RASIP1: variants seen among roughly 807,000 people sequenced by gnomAD.
RASIP1 encodes the protein Ras interacting protein 1.
Under a neutral mutation model 85.3 loss-of-function variants are expected in RASIP1, and 20 were observed. The observed-to-expected ratio is 0.23, with a 90% CI of 0.17 to 0.34. The LOEUF (loss-of-function observed/expected upper bound fraction) is 0.34, where lower values mean the gene tolerates loss of function less well. Among genes scored for constraint, RASIP1 ranks in the 10% least tolerant of loss-of-function variants. The probability of loss-of-function intolerance (pLI) is 1.00; values close to 1 mark genes in which losing one functional copy is unlikely to be tolerated. For missense variants in RASIP1, 1,170 were observed against 1,390.9 expected (o/e 0.84, Z 2.53); for synonymous variants, 617 against 647.1 (o/e 0.95, Z 0.71).
At chr19:48,734,769 G>A (rs1479666830) in intron 4 of RASIP1, among the ~76,000 whole-genome samples, 2 of 152,090 alleles carry the variant, frequency 1.3e-5, no homozygotes, top group Admixed American at 6.6e-5. Context: ...TAACAGGCGT[G>A]AGCCACTGCG....
At position 48,729,118 on chromosome 19, in the gene RASIP1, T is replaced by A; in HGVS notation, c.1652A>T (p.Glu551Val). Residue 551 changes from glutamate to valine, a missense_variant, in exon 5 of 12, where the codon GAG becomes GTG. Glu to Val is a moderately radical substitution (Grantham distance 121). Transcript: ENST00000222145. The stretch of plus-strand genomic sequence containing the variant: ...GATCTCGCCCAGCAGCGCCTCCTCC[T>A]CGCGCGGCCGGAAGCGCAGGACTGG... ...REPVLRFRPREEEALLGEIVR... is the reference protein window; with the variant it reads ...REPVLRFRPRVEEALLGEIVR... The A allele has an allele frequency of 7.3e-7, 1 of 1,365,804 alleles. No homozygotes were observed. The highest frequency in any genetic ancestry group is 9.4e-7 in the Non-Finnish European group (1 of 1,063,892). 84.6% of individuals were successfully genotyped at this position (1,365,804 alleles called of 1,614,324 possible).
At position 48,740,226 on chromosome 19, in the gene RASIP1, G is replaced by A; in HGVS notation, c.57C>T (p.Leu19=). The change falls in exon 2 of 12, where the codon CTC becomes CTT. Residue 19 remains leucine (L), a synonymous_variant. Transcript: ENST00000222145. The surrounding 1 kb of genome is among the most constrained non-coding windows in gnomAD (Gnocchi z 5.5). ...GGGAATTGATCCACAGGCCCACGGG[G>A]AGATGAAGCTTCCCGAAGCGGGGGC... ...GGSPRFGKLH[L]PVGLWINSPR... is the part of the protein sequence containing the mutation. 6.3e-7 allele frequency: 1 copy of A among 1,587,866 alleles called. No individual in the cohort carries two copies. Among genetic ancestry groups the A allele is most frequent in the Non-Finnish European group, 8.5e-7 (1 of 1,171,050 alleles).
chr19:48,721,660 A>G (rs1245636646), intron 11 of RASIP1, among the ~76,000 whole-genome samples, 194 bp downstream of exon 11: 1 of 152,190 alleles, frequency 6.6e-6, no homozygotes, highest in East Asian at 1.9e-4. Context: ...AAAATTAGCC[A>G]GGCGTGGTGG....
chr19:48,738,007 C>T lies in RASIP1; in HGVS notation c.823+953G>A, dbSNP rs563681895. 1.1e-6 allele frequency: 1 copy of T among 934,762 alleles called. No homozygotes were observed. The highest frequency in any genetic ancestry group is 4.9e-5 in the South Asian group (1 of 20,226). The allele number at this position is 934,762 out of a possible 1,614,324, so 57.9% of individuals were successfully genotyped here. ...TCCCCCAGGCTGGAGTTCAGTGGCG[C>T]GATCTTGGCTCACTGCAGCCTCTGC... On this transcript the variant is annotated intron_variant, in intron 3 of 11. Coordinates refer to ENST00000222145, the MANE Select transcript of RASIP1 (RefSeq NM_017805.3). This position sits in a 1 kb window ranked among gnomAD's most constrained non-coding sequence, Gnocchi z 4.0.
chr19:48,729,466 G>T lies in RASIP1; in HGVS notation c.1304C>A (p.Pro435Gln). The stretch of plus-strand genomic sequence containing the variant: ...GCCCGCGCGCACTGTGCAGTGACGC[G>T]GCAGGATGTCCGGGGCGTTGAGGAA... ...DTFLNAPDIL[P>Q]RHCTVRAGPE... The change falls in exon 5 of 12, where the codon CCG becomes CAG. Residue 435 changes from proline (P) to glutamine (Q), a missense_variant. This residue lies in a region of RASIP1 where 301 missense variants were observed against 294.8 expected (regional missense o/e 1.02). Coordinates refer to ENST00000222145, the MANE Select transcript of RASIP1 (RefSeq NM_017805.3). 6.3e-7 allele frequency: 1 copy of T among 1,575,198 alleles called. No homozygotes were observed.
chr19:48,725,015 T>A, intron 8 of RASIP1, 55 bp from the exon 9 acceptor site: 2 of 1,583,084 alleles, frequency 1.3e-6, no homozygotes, highest in Non-Finnish European at 1.7e-6. Context: ...CCAGGAAGCT[T>A]CAGGGTAATA....
At position 48,727,103 on chromosome 19, in the gene RASIP1, G is replaced by A. The variant is rs374393083; in HGVS notation, c.1927C>T (p.Leu643=). The A allele has an allele frequency of 1.9e-5, 31 of 1,614,110 alleles. No individual in the cohort carries two copies. Among genetic ancestry groups the A allele is most frequent in the Non-Finnish European group, 2.6e-5 (31 of 1,180,056 alleles). ...GCCATCCACAGCATGAGTGGCCGCAGCTCCACAGACACAGCTTCAGGAGTC... is the reference window on the plus strand; with the variant it reads ...GCCATCCACAGCATGAGTGGCCGCAACTCCACAGACACAGCTTCAGGAGTC... The part of the protein sequence containing the change: ...PLTPEAVSVE[L]RPLMLWMANT... The change falls in exon 7 of 12, where the codon CTG becomes TTG. Residue 643 remains leucine (L), a synonymous_variant. Coordinates refer to ENST00000222145, the MANE Select transcript of RASIP1 (RefSeq NM_017805.3).
At chr19:48,733,989 A>C (rs567231818) in intron 4 of RASIP1, among the ~76,000 whole-genome samples, 1 of 151,752 alleles carries the variant, frequency 6.6e-6, no homozygotes, top group East Asian at 2.0e-4. Flanking sequence ...TCTTTTAAAA[A>C]ATTTTTCATT....
At chr19:48,722,115 A>C in intron 10 of RASIP1, 114 bp from the exon 11 acceptor site, 1 of 1,081,104 alleles carries the variant, frequency 9.2e-7, no homozygotes, top group Non-Finnish European at 1.3e-6. Context: ...GCATCTCTGC[A>C]GTGTCTTCTG....
At chr19:48,736,075 C>T (rs965941665) in intron 3 of RASIP1, among the ~76,000 whole-genome samples, 5 of 151,656 alleles carry the variant, frequency 3.3e-5, no homozygotes, top group Middle Eastern at 3.4e-3. Flanking sequence ...TCCCAAAGTG[C>T]TGGGATTACA....
At position 48,720,662 on chromosome 19, in the gene RASIP1, T is replaced by C; in HGVS notation, c.*136A>G. On this transcript the variant is annotated 3_prime_UTR_variant, in exon 12 of 12. Coordinates refer to ENST00000222145, the MANE Select transcript of RASIP1 (RefSeq NM_017805.3). ...ATGCTCCCACCGTCCCATCCGCTAC[T>C]TCCCGAAAACTCAATCTCCCAACAT... 1.0e-6 allele frequency: 1 copy of C among 974,828 alleles called. No individual in the cohort carries two copies. The highest frequency in any genetic ancestry group is 2.0e-5 in the Admixed American group (1 of 48,860). 60.4% of individuals were successfully genotyped at this position (974,828 alleles called of 1,614,324 possible).
intron 6 of RASIP1, 103 bp from the exon 7 acceptor site, chr19:48,727,261 G>T: frequency 6.5e-7 from 1 of 1,547,468 alleles, no homozygotes; most frequent in Non-Finnish European, 8.8e-7. Flanking sequence ...AACTCCCATT[G>T]CGCAGCTGGA....
At chr19:48,728,737 G>A (rs1395792605) in intron 5 of RASIP1, among the ~76,000 whole-genome samples, 200 bp downstream of exon 5, 5 of 152,042 alleles carry the variant, frequency 3.3e-5, no homozygotes, top group Non-Finnish European at 7.4e-5. Context: ...ACTCCAGCCT[G>A]GGTAACAGAG....
In RASIP1 at chr19:48,739,593, G is replaced by C; in HGVS notation, c.190C>G (p.Pro64Ala). ...ACTCGCCGCAGCTCCACGTGCGGCG[G>C]GGGCGGAGGTAGCGGCTCGCTGCTG... ...SRSSEPLPPP[P>A]PHVELRRVGA... is the part of the protein sequence containing the mutation. The change falls in exon 3 of 12, where the codon CCG (proline) becomes GCG (alanine). Residue 64 changes from proline to alanine, a missense_variant. By Grantham distance (27) the Pro-to-Ala change is conservative. Coordinates refer to ENST00000222145, the MANE Select transcript of RASIP1 (RefSeq NM_017805.3). The surrounding 1 kb of genome is among the most constrained non-coding windows in gnomAD (Gnocchi z 9.2). 6.7e-7 allele frequency: 1 copy of C among 1,481,508 alleles called. No homozygotes were observed. The highest frequency in any genetic ancestry group is 8.9e-7 in the Non-Finnish European group (1 of 1,119,384). The allele number at this position is 1,481,508 out of a possible 1,614,324, so 91.8% of individuals were successfully genotyped here. A position where few individuals can be genotyped will look rare whatever the true frequency, so the allele number is the denominator to read the frequency against.
chr19:48,737,163 C>T (rs999306515), intron 3 of RASIP1, among the ~76,000 whole-genome samples: 12 of 152,186 alleles, frequency 7.9e-5, no homozygotes, highest in African/African-American at 2.9e-4. Flanking sequence ...TTATTAAGCA[C>T]CTACTCTGTG....
rs1358490226 is a variant in RASIP1, at chr19:48,729,285, C to G, written c.1485G>C (p.Ser495=). 4 of 1,540,188 alleles carry G rather than the reference C, an allele frequency of 2.6e-6. No individual in the cohort carries two copies. The highest frequency in any genetic ancestry group is 2.0e-5 in the Admixed American group (1 of 49,058). Residue 495 remains serine (S), a synonymous_variant, in exon 5 of 12, where the codon TCG becomes TCC. Coordinates refer to ENST00000222145, the MANE Select transcript of RASIP1 (RefSeq NM_017805.3). ...GCAGCCACGGCGGCCTCGCAGGCCC[C>G]GAGCCCCCAGTGCGGGGGTCCTTGT... ...FMYKDPRTGG[S]GPARPPWLPA...
chr19:48,721,568 C>T (rs1294584277), intron 11 of RASIP1, among the ~76,000 whole-genome samples: 2 of 152,002 alleles, frequency 1.3e-5, no homozygotes, highest in Non-Finnish European at 2.9e-5. Context: ...TTTGGGAGGC[C>T]GAGGCGGGCG....
chr19:48,740,475 G>C lies in RASIP1; in HGVS notation c.-5+46C>G. On this transcript the variant is annotated intron_variant, in intron 1 of 11. Transcript: ENST00000222145. This position sits in a 1 kb window ranked among gnomAD's most constrained non-coding sequence, Gnocchi z 5.5. Reference sequence around the variant, plus strand: ...AAGATGGCTGGGGGACTGAGTCTTGGGGCCCAGGGAGGAGGGGTTTGGGCT... The same window carrying C: ...AAGATGGCTGGGGGACTGAGTCTTGCGGCCCAGGGAGGAGGGGTTTGGGCT... The C allele has an allele frequency of 7.1e-7, 1 of 1,400,764 alleles. No individual in the cohort carries two copies. Among genetic ancestry groups the C allele is most frequent in the Non-Finnish European group, 9.2e-7 (1 of 1,084,428 alleles). 86.8% of individuals were successfully genotyped at this position (1,400,764 alleles called of 1,614,324 possible).
rs535688889 is a variant in RASIP1, at chr19:48,735,656, T to C, written c.824-105A>G. The C allele has an allele frequency of 3.2e-4, 369 of 1,135,900 alleles. No individual in the cohort carries two copies. The African/African-American group carries it at 5.4e-3, about 17-fold the overall frequency. 70.4% of individuals were successfully genotyped at this position (1,135,900 alleles called of 1,614,324 possible). On this transcript the variant is annotated intron_variant, in intron 3 of 11. Coordinates refer to ENST00000222145, the MANE Select transcript of RASIP1 (RefSeq NM_017805.3). ...ACTGGTTGCAGAGAGGTGAGGCTGC[T>C]TCCCACATTTAGGATTTAGGCTTTT...
Sources: gnomAD v4.1 joint callset for allele counts (sites outside exome capture counted in the v4.1 genomes callset) on GRCh38, gnomAD v4.1.1 for gene constraint, gnomAD v4.1.1 regional missense constraint, Gnocchi (gnomAD v3.1) non-coding constraint, MANE v1.5 for transcripts, NCBI Gene and HGNC (gene_info 2026-07-23, HGNC 2026-07-21) for gene names.